Variants in PTPRA observed in about 807,000 individuals in gnomAD.
PTPRA encodes receptor-type tyrosine-protein phosphatase alpha.
Under a neutral mutation model 104.8 loss-of-function variants are expected in PTPRA, and 25 were observed. That is an observed-to-expected ratio of 0.24 (90% CI 0.17 to 0.33). The LOEUF is 0.33. Among genes scored for constraint, PTPRA ranks in the 10% least tolerant of loss-of-function variants. The probability of loss-of-function intolerance (pLI) is 1.00; values close to 1 mark genes in which losing one functional copy is unlikely to be tolerated. For missense variants in PTPRA, 765 were observed against 1,015.3 expected, an observed-to-expected ratio of 0.75 and a Z score of 3.35; for synonymous variants, 323 against 368.9, an observed-to-expected ratio of 0.88 and a Z score of 1.43.
rs1051274284 is a variant in PTPRA, at chr20:3,038,188, C to T, written c.*55C>T. On this transcript the variant is annotated 3_prime_UTR_variant, in exon 24 of 24. Transcript: ENST00000399903. ...ATTGCCTTTAATATTTTGTAATATT[C>T]TGTTTTGTTAATATACCCCAAATTG... 2 of 1,505,400 alleles carry T rather than the reference C, an allele frequency of 1.3e-6. No individual in the cohort carries two copies. The highest frequency in any genetic ancestry group is 2.8e-5 in the African/African-American group (2 of 72,424). 93.3% of individuals were successfully genotyped at this position (1,505,400 alleles called of 1,614,324 possible).
the PTPRA span, among the ~76,000 whole-genome samples, chr20:2,867,011 C>T: frequency 3.7e-3 from 564 of 152,366 alleles, 9 homozygotes; most frequent in African/African-American, 0.012. Context: ...CGTGTAAACA[C>T]GCAAGAACCA....
chr20:2,954,399 AT>A (rs2061464046), intron 3 of PTPRA, among the ~76,000 whole-genome samples: 1 of 147,838 alleles, frequency 6.8e-6, no homozygotes, highest in South Asian at 2.1e-4. Context: ...TTTTAAATGT[AT>A]TTTGTAGAGA....
Position 3,005,041 on chromosome 20 carries a change from C to G in PTPRA, c.739-15C>G. On this transcript the variant is annotated splice_polypyrimidine_tract_variant and intron_variant, in intron 9 of 23. Coordinates refer to ENST00000399903, the MANE Select transcript of PTPRA (RefSeq NM_001385305.1). ...TCCCTGCTAATAATTCCTCTAATTT[C>G]TCTTAACCTTTCAGGCTCTCCCTGC... 1.3e-6 allele frequency: 2 copies of G among 1,574,654 alleles called. No homozygotes were observed. Among genetic ancestry groups the G allele is most frequent in the African/African-American group, 2.7e-5 (2 of 74,060 alleles).
chr20:3,002,465 T>C (rs186426146), intron 9 of PTPRA, among the ~76,000 whole-genome samples: 30 of 152,126 alleles, frequency 2.0e-4, no homozygotes, highest in Middle Eastern at 3.4e-3. Context: ...TAGCTGGGGT[T>C]ACAGGCATGT....
chr20:2,926,505 C>G (rs2060300470), intron 2 of PTPRA, among the ~76,000 whole-genome samples: 1 of 152,144 alleles, frequency 6.6e-6, no homozygotes, highest in Non-Finnish European at 1.5e-5. Context: ...CCCTAATGAG[C>G]TCATCTCAAC....
intron 9 of PTPRA, among the ~76,000 whole-genome samples, chr20:2,990,562 A>C (rs573450068): frequency 6.6e-6 from 1 of 152,076 alleles, no homozygotes; most frequent in African/African-American, 2.4e-5. Flanking sequence ...CTACAACAAC[A>C]ACAACAACAA....
At chr20:3,032,529 A>G (rs1350496413) in intron 20 of PTPRA, among the ~76,000 whole-genome samples, 1 of 152,022 alleles carries the variant, frequency 6.6e-6, no homozygotes, top group Admixed American at 6.6e-5. Context: ...GCACTTTGGG[A>G]GGCCAAGGTG....
intron 1 of PTPRA, among the ~76,000 whole-genome samples, chr20:2,896,219 A>G (rs534404023): frequency 2.0e-5 from 3 of 152,224 alleles, no homozygotes; most frequent in East Asian, 3.9e-4. Context: ...TACTAAAAAT[A>G]CAAAAAAAAT....
chr20:2,933,695 C>G (rs1020744105), intron 2 of PTPRA, among the ~76,000 whole-genome samples: 1 of 152,108 alleles, frequency 6.6e-6, no homozygotes, highest in African/African-American at 2.4e-5. Flanking sequence ...CTCCTGACCT[C>G]AAGTGATTTG....
chr20:2,935,687 G>C (rs890953106), intron 2 of PTPRA, among the ~76,000 whole-genome samples: 4 of 152,048 alleles, frequency 2.6e-5, no homozygotes, highest in African/African-American at 9.7e-5. Flanking sequence ...CGCTACTACA[G>C]GCACATGCCA....
At chr20:2,900,582 G>A (rs2059192386) in intron 1 of PTPRA, among the ~76,000 whole-genome samples, 1 of 152,078 alleles carries the variant, frequency 6.6e-6, no homozygotes, top group African/African-American at 2.4e-5. Context: ...TCAGGTGGGC[G>A]TGGTGGCTCA....
chr20:3,012,203 T>A (rs902019322), intron 11 of PTPRA, among the ~76,000 whole-genome samples: 2 of 152,176 alleles, frequency 1.3e-5, no homozygotes, highest in African/African-American at 4.8e-5. Flanking sequence ...CATTGAAAAG[T>A]GTTCAAGGCA....
chr20:2,948,289 C>T (rs895067417), intron 3 of PTPRA, among the ~76,000 whole-genome samples: 1 of 152,196 alleles, frequency 6.6e-6, no homozygotes, highest in African/African-American at 2.4e-5. Context: ...TTCTTGGAGC[C>T]TTCCAGTTTA....
chr20:3,016,657 A>G (rs2064471151), intron 12 of PTPRA, among the ~76,000 whole-genome samples: 2 of 152,192 alleles, frequency 1.3e-5, no homozygotes. Flanking sequence ...CAAGAATCAC[A>G]TGAACCCGGG....
chr20:2,880,111 C>T (rs2089966186), intron 1 of PTPRA, among the ~76,000 whole-genome samples: 1 of 152,108 alleles, frequency 6.6e-6, no homozygotes, highest in Admixed American at 6.5e-5. Context: ...ATCCTGAAGG[C>T]AGAGCTAAAT....
intron 6 of PTPRA, among the ~76,000 whole-genome samples, chr20:2,983,483 A>G (rs368813362): frequency 6.7e-6 from 1 of 149,610 alleles, no homozygotes; most frequent in Non-Finnish European, 1.5e-5. Context: ...TTTGTGGAGA[A>G]TGGATTGGCA....
chr20:2,921,160 A>G (rs1417526467), intron 1 of PTPRA, among the ~76,000 whole-genome samples: 1 of 152,152 alleles, frequency 6.6e-6, no homozygotes, highest in Non-Finnish European at 1.5e-5. Flanking sequence ...CATCTCTGAA[A>G]GCAGGAGGGC....
At position 2,950,866 on chromosome 20, in the gene PTPRA, G is replaced by T. The variant is rs954137444; in HGVS notation, c.-7+2842G>T. Among the ~76,000 whole-genome samples, 3 of 152,002 alleles carry T rather than the reference G, an allele frequency of 2.0e-5. No individual in the cohort carries two copies. Among genetic ancestry groups the T allele is most frequent in the Non-Finnish European group, 4.4e-5 (3 of 68,018 alleles). On this transcript the variant is annotated intron_variant, in intron 3 of 23. Coordinates refer to ENST00000399903, the MANE Select transcript of PTPRA (RefSeq NM_001385305.1). The surrounding 1 kb of genome is among the most constrained non-coding windows in gnomAD (Gnocchi z 4.0). ...TAAAATTTATTACATTTTGATCCAT[G>T]TATATAGCAGGGAAATATCACCACA...
chr20:2,965,512 G>A (rs2147939370), intron 5 of PTPRA, among the ~76,000 whole-genome samples: 1 of 152,268 alleles, frequency 6.6e-6, no homozygotes, highest in South Asian at 2.1e-4. Flanking sequence ...AGAGACTGAA[G>A]ATGAAAAGAT....
Sources: gnomAD v4.1 joint callset for allele counts (sites outside exome capture counted in the v4.1 genomes callset) on GRCh38, gnomAD v4.1.1 for gene constraint, Gnocchi (gnomAD v3.1) non-coding constraint, MANE v1.5 for transcripts, NCBI Gene and HGNC (gene_info 2026-07-23, HGNC 2026-07-21) for gene names.